The following INTS1 variants were observed in gnomAD, a reference collection of about 807,000 sequenced individuals.
INTS1 encodes the protein integrator complex subunit 1.
A neutral mutation model predicts 241.6 loss-of-function variants in INTS1; 137 were observed. That is an observed-to-expected ratio of 0.57 (90% CI 0.49 to 0.65). INTS1 has a LOEUF of 0.65. INTS1 is among the 30% of genes least tolerant of loss of function. The pLI is 0.00. For missense variants in INTS1, 3,073 were observed against 3,032.2 expected (o/e 1.01, Z -0.32); for synonymous variants, 1,692 against 1,337.8 (o/e 1.26, Z -5.78).
chr7:1,479,017 A>G, intron 31 of INTS1, 132 bp from the exon 32 acceptor site: 1 of 1,018,156 alleles, frequency 9.8e-7, no homozygotes, highest in East Asian at 2.7e-5. Context: ...GGCCAACCTC[A>G]TCCCGCCTCC....
At chr7:1,485,244 C>A in intron 23 of INTS1, 42 bp from the exon 24 acceptor site, 4 of 1,596,478 alleles carry the variant, frequency 2.5e-6, no homozygotes, top group Middle Eastern at 1.7e-4. Flanking sequence ...GGCAGGGCTG[C>A]GGCCCTCTCA....
chr7:1,502,744 C>T (rs1378924493), intron 3 of INTS1, among the ~76,000 whole-genome samples, 157 bp downstream of exon 3: 1 of 152,182 alleles, frequency 6.6e-6, no homozygotes, highest in Non-Finnish European at 1.5e-5. Flanking sequence ...AGGGCATCTA[C>T]GTGAGAAGCA....
chr7:1,473,823 G>A, intron 41 of INTS1, 130 bp from the exon 42 acceptor site: 2 of 1,197,336 alleles, frequency 1.7e-6, no homozygotes, highest in Non-Finnish European at 2.3e-6. Flanking sequence ...GCCAACCACT[G>A]GGGCGTCACA....
Position 1,499,476 on chromosome 7 carries a change from C to A in INTS1, c.841G>T (p.Ala281Ser). 2 of 1,598,564 alleles carry A rather than the reference C, an allele frequency of 1.3e-6. No homozygotes were observed. The highest frequency in any genetic ancestry group is 1.7e-6 in the Non-Finnish European group (2 of 1,172,190). The change falls in exon 6 of 48, where the codon GCA becomes TCA. Residue 281 changes from alanine (A) to serine (S), a missense_variant. Ala to Ser is a moderately conservative substitution (Grantham distance 99). Coordinates refer to ENST00000404767, the MANE Select transcript of INTS1 (RefSeq NM_001080453.3). ...EAGRVAGDLG[A>S]GSSPHPSLTE... ...TCTGGCTGGCCGTGTGTCTCACCTG[C>A]ACCCAGGTCGCCCGCAACGCGGCCC...
At chr7:1,474,968 ACGGCTTCCATGAG>A (rs1319164053) in intron 39 of INTS1, 130 bp from the exon 40 acceptor site, 49 of 1,249,856 alleles carry the variant, frequency 3.9e-5, no homozygotes, top group Non-Finnish European at 5.3e-5. Flanking sequence ...CTGGCTCCTT[ACGGCTTCCATGAG>A]CACCTCGGGA....
rs1294667461 is a variant in INTS1 at position 1,492,049 on chromosome 7, G to A, written c.2165+961C>T. On this transcript the variant is annotated intron_variant, in intron 16 of 47. Transcript: ENST00000404767. ...CTCAGCGCTGGCGGGGACGCAAGCG[G>A]GAACTCAAGGTGGGGCAGCCGCTGG... 1.3e-5 allele frequency among the ~76,000 whole-genome samples: 2 copies of A among 152,186 alleles called. 1 individual carries two copies. The highest frequency in any genetic ancestry group is 1.3e-4 in the Admixed American group (2 of 15,270).
rs780986340 is a variant in INTS1, at chr7:1,476,862, C to A, written c.4995G>T (p.Thr1665=). The stretch of plus-strand genomic sequence containing the variant: ...GCAGTGTGGGCCAGCTGGACTGATG[C>A]GTGAAGAGGGTCAGGAGGTAGGGAC... ...SFRPYLLTLF[T]HQSSWPTLHQ... The change falls in exon 36 of 48, where the codon ACG becomes ACT. Residue 1665 remains threonine (T), a synonymous_variant. Coordinates refer to ENST00000404767, the MANE Select transcript of INTS1 (RefSeq NM_001080453.3). The A allele has an allele frequency of 6.8e-6, 11 of 1,612,666 alleles. No homozygotes were observed. The highest frequency in any genetic ancestry group is 9.3e-6 in the Non-Finnish European group (11 of 1,179,806).
In INTS1 at chr7:1,487,006, C is replaced by T; in HGVS notation, c.2742G>A (p.Leu914=). The T allele has an allele frequency of 1.2e-6, 2 of 1,605,762 alleles. No homozygotes were observed. The change falls in exon 21 of 48, where the codon CTG becomes CTA. Residue 914 remains leucine, a synonymous_variant. Coordinates refer to ENST00000404767, the MANE Select transcript of INTS1 (RefSeq NM_001080453.3). ...CAGCATCGTCCACAGCATCGTGCAG[C>T]AGGAACTCGCACAGACACTGCACGG... ...VLPVQCLCEF[L]LHDAVDDAAS... is the part of the protein sequence containing the mutation.
Position 1,500,007 on chromosome 7 carries a change from G to A in INTS1, c.561C>T (p.Leu187=). The part of the protein sequence containing the change: ...TEGVIEALCS[L]LRRDASINFK... ...AGTTGATGGAGGCGTCCCGCCGCAG[G>A]AGGCTACACAGAGCCTGCCAGGGAG... Residue 187 remains leucine (L), a synonymous_variant, in exon 5 of 48, where the codon CTC becomes CTT. Transcript: ENST00000404767. 6.2e-7 allele frequency: 1 copy of A among 1,613,484 alleles called. No homozygotes were observed. Among genetic ancestry groups the A allele is most frequent in the African/African-American group, 1.3e-5 (1 of 75,070 alleles).
chr7:1,486,754 C>T lies in INTS1; in HGVS notation c.2847G>A (p.Gln949=), dbSNP rs1472121189. 2 of 1,612,298 alleles carry T rather than the reference C, an allele frequency of 1.2e-6. No homozygotes were observed. The highest frequency in any genetic ancestry group is 1.7e-6 in the Non-Finnish European group (2 of 1,179,688). Reference sequence around the variant, plus strand: ...GCAGGTCCTGCAGGCGGCCCAGCAGCTGCCGCTGCTTCTGTTGCCTCTGCA... The same window carrying T: ...GCAGGTCCTGCAGGCGGCCCAGCAGTTGCCGCTGCTTCTGTTGCCTCTGCA... The part of the protein sequence containing the change: ...KKRQRQQKQR[Q]LLGRLQDLLL... Residue 949 remains glutamine, a synonymous_variant, in exon 22 of 48, where the codon CAG becomes CAA. Coordinates refer to ENST00000404767, the MANE Select transcript of INTS1 (RefSeq NM_001080453.3).
chr7:1,498,585 C>A (rs751725064), intron 9 of INTS1, 32 bp from the exon 10 acceptor site: 2 of 1,611,056 alleles, frequency 1.2e-6, no homozygotes, highest in Non-Finnish European at 1.7e-6. Context: ...ACCCTGTCCC[C>A]GCTACGCCTG....
At chr7:1,491,227 G>C (rs1782534051) in intron 16 of INTS1, among the ~76,000 whole-genome samples, 1 of 152,230 alleles carries the variant, frequency 6.6e-6, no homozygotes, top group Non-Finnish European at 1.5e-5. Context: ...AAGATGATCG[G>C]GCCTCCCCAA....
chr7:1,491,753 C>T (rs1782558142), intron 16 of INTS1, among the ~76,000 whole-genome samples: 1 of 152,148 alleles, frequency 6.6e-6, no homozygotes, highest in Non-Finnish European at 1.5e-5. Context: ...CTAAAATTAG[C>T]TGGGCATGGT....
At position 1,477,890 on chromosome 7, in the gene INTS1, C is replaced by T. The variant is rs1781798270; in HGVS notation, c.4677G>A (p.Leu1559=). The T allele has an allele frequency of 2.5e-6, 4 of 1,612,374 alleles. No individual in the cohort carries two copies. The highest frequency in any genetic ancestry group is 2.7e-5 in the African/African-American group (2 of 74,934). Residue 1559 remains leucine, a synonymous_variant, in exon 34 of 48, where the codon CTG becomes CTA. Transcript: ENST00000404767. ...IEVRSPHLEE[L]LTAFFSATAD... The stretch of plus-strand genomic sequence containing the variant: ...CAGTGGCAGAGAAGAATGCAGTCAG[C>T]AGCTCCTCCAGGTGGGGGGACCTCA...
In INTS1 at chr7:1,470,517, C is replaced by T. The variant is rs1487080579; in HGVS notation, c.*60G>A. On this transcript the variant is annotated 3_prime_UTR_variant, in exon 48 of 48. Coordinates refer to ENST00000404767, the MANE Select transcript of INTS1 (RefSeq NM_001080453.3). ...AACGCCCACGCTTCCTGGGCTTTGC[C>T]TCGAGGATCCCCGGGGACGGGACGG... The T allele has an allele frequency of 1.5e-6, 2 of 1,342,630 alleles. No homozygotes were observed. The highest frequency in any genetic ancestry group is 2.5e-5 in the East Asian group (1 of 39,394). The allele number at this position is 1,342,630 out of a possible 1,614,324, so 83.2% of individuals were successfully genotyped here. A position where few individuals can be genotyped will look rare whatever the true frequency, so the allele number is the denominator to read the frequency against.
At chr7:1,475,192 G>A (rs1781652511) in intron 39 of INTS1, among the ~76,000 whole-genome samples, 1 of 152,190 alleles carries the variant, frequency 6.6e-6, no homozygotes, top group African/African-American at 2.4e-5. Context: ...AGACTAGCCT[G>A]GGCAATGAAA....
chr7:1,489,442 C>G (rs1439848963), intron 17 of INTS1, 38 bp from the exon 18 acceptor site: 3 of 1,590,648 alleles, frequency 1.9e-6, no homozygotes, highest in South Asian at 1.1e-5. Context: ...CCAGGCTCCC[C>G]TGGGCACCAG....
At chr7:1,502,165 A>G (rs1456827152) in intron 3 of INTS1, among the ~76,000 whole-genome samples, 2 of 152,144 alleles carry the variant, frequency 1.3e-5, no homozygotes, top group Non-Finnish European at 2.9e-5. Flanking sequence ...CAAAGTCATC[A>G]GGACACTTGT....
At chr7:1,471,324 G>A (rs1387749739) in intron 45 of INTS1, 100 bp from the exon 46 acceptor site, 8 of 1,259,534 alleles carry the variant, frequency 6.4e-6, no homozygotes, top group Non-Finnish European at 7.8e-6. Flanking sequence ...CAACGGCAGG[G>A]ACCCTAGGCC....
Sources: allele counts gnomAD v4.1 joint callset (sites outside exome capture counted in the v4.1 genomes callset), GRCh38; gene constraint gnomAD v4.1.1; transcripts MANE v1.5; gene names NCBI Gene and HGNC (gene_info 2026-07-23, HGNC 2026-07-21).